The following FNDC3B variants were observed in gnomAD, a reference collection of about 807,000 sequenced individuals.
FNDC3B encodes the protein fibronectin type III domain containing 3B.
Under a neutral mutation model 151.5 loss-of-function variants are expected in FNDC3B, and 12 were observed. That is an observed-to-expected ratio of 0.08 (90% confidence interval 0.05 to 0.13). The LOEUF is 0.13. Ranked by LOEUF, FNDC3B falls within the 10% of genes least tolerant of loss-of-function variation. FNDC3B has a pLI of 1.00. For synonymous variants in FNDC3B, 528 were observed against 549.0 expected (o/e 0.96, Z 0.54); for missense variants, 1,214 against 1,505.3 (o/e 0.81, Z 3.20).
intron 4 of FNDC3B, among the ~76,000 whole-genome samples, chr3:172,244,231 T>G (rs1462681033): frequency 2.0e-5 from 3 of 152,230 alleles, no homozygotes; most frequent in Admixed American, 2.0e-4. Flanking sequence ...CCTCTGGACA[T>G]TCTCACAATT....
chr3:172,352,861 C>G lies in FNDC3B; in HGVS notation c.2573C>G (p.Ala858Gly). ...YSELVLCQTP[A>G]SAPDPVSTLC... is the part of the protein sequence containing the mutation. ...GAACTTGTCCTTTGCCAGACGCCAG[C>G]GTCTGCCCCTGACCCCGTCTCCACT... Residue 858 changes from alanine (A) to glycine (G), a missense_variant, in exon 22 of 26, where the codon GCG becomes GGG. Around this residue, in one of 7 missense-constraint regions of FNDC3B, gnomAD observed 380 missense variants for 420.9 expected, o/e 0.90. Coordinates refer to ENST00000415807, the MANE Select transcript of FNDC3B (RefSeq NM_022763.4). This position sits in a 1 kb window ranked among gnomAD's most constrained non-coding sequence, Gnocchi z 4.2. 1 of 1,614,184 alleles carries G rather than the reference C, an allele frequency of 6.2e-7. No homozygotes were observed. The highest frequency in any genetic ancestry group is 1.6e-4 in the Middle Eastern group (1 of 6,062).
At position 172,362,864 on chromosome 3, in the gene FNDC3B, T is replaced by A. The variant is rs1560100455; in HGVS notation, c.3008+19T>A. ...ACAAGAGGTGAGGTGGGGGTGAGGATGCTCCTGAAGCTTCTGTAGCTTTGG... is the reference window on the plus strand; with the variant it reads ...ACAAGAGGTGAGGTGGGGGTGAGGAAGCTCCTGAAGCTTCTGTAGCTTTGG... On this transcript the variant is annotated intron_variant, in intron 23 of 25. Coordinates refer to ENST00000415807, the MANE Select transcript of FNDC3B (RefSeq NM_022763.4). 2 of 1,580,794 alleles carry A rather than the reference T, an allele frequency of 1.3e-6. No individual in the cohort carries two copies. Among genetic ancestry groups the A allele is most frequent in the Non-Finnish European group, 1.7e-6 (2 of 1,153,176 alleles).
chr3:172,347,629 G>T (rs1733675562), intron 21 of FNDC3B, among the ~76,000 whole-genome samples: 2 of 152,176 alleles, frequency 1.3e-5, no homozygotes, highest in African/African-American at 4.8e-5. Context: ...TCATCAGTTT[G>T]CTGAATAAAT....
chr3:172,220,018 T>C lies in FNDC3B; in HGVS notation c.188-6853T>C, dbSNP rs142300640. 2.6e-5 allele frequency among the ~76,000 whole-genome samples: 4 copies of C among 152,180 alleles called. No homozygotes were observed. In the East Asian group the frequency reaches 7.7e-4, roughly 29 times the overall value. ...CACAGTTACTTTTGCACCAACCTAA[T>C]ACAAGTAAAAGTGGAATTGGTGGGT... is the stretch of plus-strand genomic sequence containing the variant. On this transcript the variant is annotated intron_variant, in intron 3 of 25. Transcript: ENST00000415807.
chr3:172,225,278 A>G (rs1212340893), intron 3 of FNDC3B: 1 of 153,640 alleles, frequency 6.5e-6, no homozygotes, highest in East Asian at 1.9e-4. Context: ...GGCTCAAGCC[A>G]TCCTCCCACC....
intron 23 of FNDC3B, among the ~76,000 whole-genome samples, chr3:172,368,657 A>G (rs1190913099): frequency 1.3e-5 from 2 of 152,108 alleles, no homozygotes; most frequent in African/African-American, 4.8e-5. Flanking sequence ...TTCCCCTACT[A>G]CAAAATGCAA....
At chr3:172,361,183 C>T (rs1439016942) in intron 22 of FNDC3B, among the ~76,000 whole-genome samples, 1 of 152,148 alleles carries the variant, frequency 6.6e-6, no homozygotes, top group Non-Finnish European at 1.5e-5. Flanking sequence ...GTACCAGGCT[C>T]CCTTTTAATC....
intron 1 of FNDC3B, among the ~76,000 whole-genome samples, chr3:172,054,527 G>A (rs1185017780): frequency 1.3e-5 from 2 of 152,206 alleles, no homozygotes; most frequent in Admixed American, 6.5e-5. Flanking sequence ...AAGTGAAGAT[G>A]CAGCCCCCAA....
At chr3:172,322,948 G>A (rs1045405307) in intron 11 of FNDC3B, among the ~76,000 whole-genome samples, 19 of 152,174 alleles carry the variant, frequency 1.2e-4, no homozygotes, top group Non-Finnish European at 1.2e-4. Flanking sequence ...TAATGTCTCT[G>A]CCTCAGTTGT....
chr3:172,039,624 AGCG>A lies in FNDC3B; in HGVS notation c.-161_-159del, dbSNP rs3832239. The A allele has an allele frequency of 6.7e-4, 109 of 162,632 alleles. No individual in the cohort carries two copies. Among genetic ancestry groups the A allele is most frequent in the South Asian group, 1.7e-3 (11 of 6,330 alleles). The allele number at this position is 162,632 out of a possible 1,614,324, so 10.1% of individuals were successfully genotyped here. A position where few individuals can be genotyped will look rare whatever the true frequency, so the allele number is the denominator to read the frequency against. On this transcript the variant is annotated 5_prime_UTR_variant, in exon 1 of 26. Coordinates refer to ENST00000415807, the MANE Select transcript of FNDC3B (RefSeq NM_022763.4). ...ATCAAACCCTCCTGGTAGTTATTTG[AGCG>A]GCGGCGGCGGCGGCTGGAGGAGGAG...
chr3:172,272,038 G>A (rs1729225805), intron 6 of FNDC3B, among the ~76,000 whole-genome samples: 1 of 152,192 alleles, frequency 6.6e-6, no homozygotes, highest in South Asian at 2.1e-4. Context: ...TCACCGTTGG[G>A]CTTAAGCAGA....
At chr3:172,251,152 C>T (rs1728045257) in intron 5 of FNDC3B, 108 bp from the exon 6 acceptor site, 2 of 868,938 alleles carry the variant, frequency 2.3e-6, no homozygotes, top group Non-Finnish European at 3.5e-6. Flanking sequence ...ATACTTTAGA[C>T]TTCCTTTATA....
intron 1 of FNDC3B, among the ~76,000 whole-genome samples, chr3:172,095,334 G>C (rs1719044409): frequency 1.3e-5 from 2 of 152,142 alleles, no homozygotes; most frequent in Non-Finnish European, 2.9e-5. Context: ...TTTCAGACTT[G>C]GGATTCTGTG....
intron 1 of FNDC3B, among the ~76,000 whole-genome samples, chr3:172,047,973 T>G (rs924792195): frequency 2.0e-5 from 3 of 152,158 alleles, no homozygotes; most frequent in African/African-American, 7.2e-5. Flanking sequence ...TTGTGGAGAG[T>G]CCTGAGTTTA....
At chr3:172,356,346 C>T (rs1576942083) in intron 22 of FNDC3B, among the ~76,000 whole-genome samples, 1 of 152,302 alleles carries the variant, frequency 6.6e-6, no homozygotes, top group South Asian at 2.1e-4. Flanking sequence ...ATAATTTTCA[C>T]TACTTAACAG....
At chr3:172,350,378 G>A (rs1253150543) in intron 21 of FNDC3B, among the ~76,000 whole-genome samples, 2 of 152,170 alleles carry the variant, frequency 1.3e-5, no homozygotes, top group East Asian at 3.8e-4. Context: ...CCATGTTCTT[G>A]TCCTTCTGTG....
chr3:172,276,749 C>T (rs1013292994), intron 6 of FNDC3B, among the ~76,000 whole-genome samples: 5 of 152,012 alleles, frequency 3.3e-5, no homozygotes, highest in African/African-American at 7.3e-5. Flanking sequence ...TATCTAATTA[C>T]GAGGAAATAG....
chr3:172,058,367 T>G (rs925312862), intron 1 of FNDC3B, among the ~76,000 whole-genome samples: 1 of 152,164 alleles, frequency 6.6e-6, no homozygotes, highest in Non-Finnish European at 1.5e-5. Context: ...CTAATCATAT[T>G]GCCTTGCAGA....
rs557648244 is a variant in FNDC3B at position 172,343,107 on chromosome 3, T to G, written c.2068T>G (p.Leu690Val). ...LGRPKHKEVH[L>V]EWDVPASESG... ...TAGACCAAAGCACAAAGAAGTCCAC[T>G]TAGAGTGGGGTGAGTGAACTAACCT... The change falls in exon 18 of 26, where the codon TTA becomes GTA. Residue 690 changes from leucine (L) to valine (V), a missense_variant. By Grantham distance (32) the Leu-to-Val change is conservative. This residue lies in a region of FNDC3B where 380 missense variants were observed against 420.9 expected (regional missense o/e 0.90). Coordinates refer to ENST00000415807, the MANE Select transcript of FNDC3B (RefSeq NM_022763.4). 42 of 1,582,020 alleles carry G rather than the reference T, an allele frequency of 2.7e-5. No homozygotes were observed. The South Asian group carries it at 4.6e-4, about 17-fold the overall frequency.
Sources: allele counts gnomAD v4.1 joint callset (sites outside exome capture counted in the v4.1 genomes callset), GRCh38; gene constraint gnomAD v4.1.1; regional missense constraint gnomAD v4.1.1; non-coding constraint Gnocchi (gnomAD v3.1); transcripts MANE v1.5; gene names NCBI Gene and HGNC (gene_info 2026-07-23, HGNC 2026-07-21).